Variants in TMEM115 observed in about 807,000 individuals in gnomAD.
TMEM115 encodes PP6.
Under a neutral mutation model 20.1 loss-of-function variants are expected in TMEM115, and 8 were observed. The ratio of observed to expected loss-of-function variants is 0.40; its 90% confidence interval spans 0.23 to 0.72. The LOEUF (loss-of-function observed/expected upper bound fraction) is 0.72, where lower values mean the gene tolerates loss of function less well. Among genes scored for constraint, TMEM115 ranks in the 30% least tolerant of loss-of-function variants. The pLI, the probability that TMEM115 is intolerant of heterozygous loss-of-function variation, is 0.39. For missense variants in TMEM115, 374 were observed against 455.1 expected (o/e 0.82, Z 1.62); for synonymous variants, 229 against 206.2 (o/e 1.11, Z -0.95).
Position 50,358,709 on chromosome 3 carries a change from G to A in TMEM115, c.355C>T (p.Leu119Phe), listed in dbSNP as rs1242293038. ...VGLLGAFAYLLTYMASFNLVY... is the reference protein window; with the variant it reads ...VGLLGAFAYLFTYMASFNLVY... ...AGGTTGAAGGAAGCCATGTAGGTGA[G>A]GAGGTAGGCGAAGGCCCCCAGCAGC... The change falls in exon 1 of 2, where the codon CTC becomes TTC. Residue 119 changes from leucine to phenylalanine, a missense_variant. Transcript: ENST00000266025. 1 of 1,613,570 alleles carries A rather than the reference G, an allele frequency of 6.2e-7. No homozygotes were observed. The highest frequency in any genetic ancestry group is 1.7e-5 in the Admixed American group (1 of 60,032).
At chr3:50,357,230 A>G (rs1703890843) in intron 1 of TMEM115, among the ~76,000 whole-genome samples, 1 of 152,242 alleles carries the variant, frequency 6.6e-6, no homozygotes, top group Non-Finnish European at 1.5e-5. Flanking sequence ...AACTCCTTCA[A>G]GAAAGGAGTG....
intron 1 of TMEM115, among the ~76,000 whole-genome samples, chr3:50,355,829 G>C (rs1703860226): frequency 6.6e-6 from 1 of 152,236 alleles, no homozygotes; most frequent in Non-Finnish European, 1.5e-5. Flanking sequence ...TGCCCACGAG[G>C]CCAGCCACCA....
At chr3:50,355,932 T>G (rs1703862321) in intron 1 of TMEM115, among the ~76,000 whole-genome samples, 1 of 152,210 alleles carries the variant, frequency 6.6e-6, no homozygotes, top group Non-Finnish European at 1.5e-5. Context: ...TCCAGGAGTT[T>G]CTGCCTGGGT....
chr3:50,358,285 T>C lies in TMEM115; in HGVS notation c.779A>G (p.Tyr260Cys), dbSNP rs1386957095. Residue 260 changes from tyrosine (Y) to cysteine (C), a missense_variant, in exon 1 of 2, where the codon TAC (tyrosine) becomes TGC (cysteine). By Grantham distance (194) the Tyr-to-Cys change is radical (BLOSUM62 -2). Transcript: ENST00000266025. ...GATGGAGGATGGGGCACCCACATCG[T>C]AGCGCTTCACCGTCTTCTGGCATAT... is the stretch of plus-strand genomic sequence containing the variant. ...VKICQKTVKRYDVGAPSSITI... is the reference protein window; with the variant it reads ...VKICQKTVKRCDVGAPSSITI... The C allele has an allele frequency of 1.9e-6, 3 of 1,613,840 alleles. No homozygotes were observed. Among genetic ancestry groups the C allele is most frequent in the East Asian group, 2.2e-5 (1 of 44,886 alleles).
intron 1 of TMEM115, among the ~76,000 whole-genome samples, chr3:50,357,293 C>T (rs1703891636): frequency 1.3e-5 from 2 of 152,198 alleles, no homozygotes; most frequent in Admixed American, 1.3e-4. Context: ...GGGATAACTG[C>T]AGCTAAATTC....
intron 1 of TMEM115, 98 bp from the exon 2 acceptor site, chr3:50,355,645 G>T: frequency 1.9e-6 from 2 of 1,065,746 alleles, no homozygotes; most frequent in Non-Finnish European, 2.6e-6. Context: ...GTACCACCTA[G>T]ACTCCTCCCC....
rs1285370321 is a variant in TMEM115 at position 50,358,496 on chromosome 3, C to T, written c.568G>A (p.Ala190Thr). 6.2e-7 allele frequency: 1 copy of T among 1,612,644 alleles called. No individual in the cohort carries two copies. Among genetic ancestry groups the T allele is most frequent in the Admixed American group, 1.7e-5 (1 of 59,988 alleles). The change falls in exon 1 of 2, where the codon GCG becomes ACG. Residue 190 changes from alanine (A) to threonine (T), a missense_variant. By Grantham distance (58) the Ala-to-Thr change is moderately conservative (BLOSUM62 0). Coordinates refer to ENST00000266025, the MANE Select transcript of TMEM115 (RefSeq NM_007024.5). Reference protein sequence around the residue: ...LRLATLLQSPALASYGFGLLS... With the variant: ...LRLATLLQSPTLASYGFGLLS... ...AGCCCGAAGCCATAGGAAGCCAGCGCCGGGCTCTGGAGCAGCGTGGCGAGC... is the reference window on the plus strand; with the variant it reads ...AGCCCGAAGCCATAGGAAGCCAGCGTCGGGCTCTGGAGCAGCGTGGCGAGC...
chr3:50,357,755 C>T (rs1023285904), intron 1 of TMEM115, among the ~76,000 whole-genome samples: 1 of 152,216 alleles, frequency 6.6e-6, no homozygotes, highest in Admixed American at 6.5e-5. Context: ...CAGAGAAGCA[C>T]AGCATCTGAG....
At chr3:50,356,542 C>T (rs895303193) in intron 1 of TMEM115, among the ~76,000 whole-genome samples, 11 of 152,202 alleles carry the variant, frequency 7.2e-5, no homozygotes, top group Non-Finnish European at 1.3e-4. Context: ...AGCCCTAGCA[C>T]GCTTCCCCCC....
In TMEM115 at chr3:50,358,512, C is replaced by G. The variant is rs1703912441; in HGVS notation, c.552G>C (p.Thr184=). ...AAGCCAGCGCCGGGCTCTGGAGCAG[C>G]GTGGCGAGCCGCAGCAGGAGCAGCA... ...LALLLLLRLA[T]LLQSPALASY... is the part of the protein sequence containing the mutation. Residue 184 remains threonine, a synonymous_variant, in exon 1 of 2, where the codon ACG becomes ACC. Transcript: ENST00000266025. 6.2e-7 allele frequency: 1 copy of G among 1,609,666 alleles called. No individual in the cohort carries two copies. The highest frequency in any genetic ancestry group is 8.5e-7 in the Non-Finnish European group (1 of 1,179,012).
chr3:50,357,458 G>C (rs1183464458), intron 1 of TMEM115, among the ~76,000 whole-genome samples: 1 of 152,226 alleles, frequency 6.6e-6, no homozygotes, highest in Non-Finnish European at 1.5e-5. Context: ...TCTTATGAAG[G>C]CTGGGACCAC....
chr3:50,356,550 C>A (rs1703879373), intron 1 of TMEM115, among the ~76,000 whole-genome samples: 1 of 152,194 alleles, frequency 6.6e-6, no homozygotes, highest in African/African-American at 2.4e-5. Flanking sequence ...CACGCTTCCC[C>A]CCTGCCCGTC....
At chr3:50,356,543 G>A (rs1345800997) in intron 1 of TMEM115, among the ~76,000 whole-genome samples, 4 of 152,184 alleles carry the variant, frequency 2.6e-5, no homozygotes, top group Non-Finnish European at 5.9e-5. Flanking sequence ...GCCCTAGCAC[G>A]CTTCCCCCCT....
intron 1 of TMEM115, among the ~76,000 whole-genome samples, chr3:50,357,725 C>T (rs1703900114): frequency 6.6e-6 from 1 of 152,200 alleles, no homozygotes; most frequent in Non-Finnish European, 1.5e-5. Context: ...CCCCAAGCTT[C>T]CCTCTCAATA....
intron 1 of TMEM115, among the ~76,000 whole-genome samples, chr3:50,357,421 G>A (rs1307417529): frequency 6.6e-6 from 1 of 152,224 alleles, no homozygotes; most frequent in Non-Finnish European, 1.5e-5. Context: ...AAACAGTGAG[G>A]AATAATGTTG....
At chr3:50,358,096 G>T in intron 1 of TMEM115, 117 bp downstream of exon 1, 1 of 1,383,730 alleles carries the variant, frequency 7.2e-7, no homozygotes, top group Non-Finnish European at 9.8e-7. Context: ...CTTTCCGGAT[G>T]TGCCCCAATA....
chr3:50,357,353 C>T (rs773732103), intron 1 of TMEM115, among the ~76,000 whole-genome samples: 2 of 152,194 alleles, frequency 1.3e-5, no homozygotes, highest in Non-Finnish European at 2.9e-5. Flanking sequence ...AAGCAGGAGC[C>T]TTGGCAATGC....
In TMEM115 at chr3:50,359,343, G is replaced by A; in HGVS notation, c.-280C>T. ...TACCCACCCTGTAGGCCCCGTGCCA[G>A]GCTAGCCTGGTTGGCGTTGACCTCA... is the stretch of plus-strand genomic sequence containing the variant. On this transcript the variant is annotated 5_prime_UTR_variant, in exon 1 of 2. Transcript: ENST00000266025. The A allele has an allele frequency of 2.1e-6, 1 of 467,662 alleles. No homozygotes were observed. Among genetic ancestry groups the A allele is most frequent in the Non-Finnish European group, 3.8e-6 (1 of 260,902 alleles). 29.0% of individuals were successfully genotyped at this position (467,662 alleles called of 1,614,324 possible).
chr3:50,356,353 G>A (rs1040941318), intron 1 of TMEM115, among the ~76,000 whole-genome samples: 1 of 152,224 alleles, frequency 6.6e-6, no homozygotes, highest in African/African-American at 2.4e-5. Flanking sequence ...AGAAGGTGGA[G>A]TGCTGCAGCT....
Sources: gnomAD v4.1 joint callset for allele counts (sites outside exome capture counted in the v4.1 genomes callset) on GRCh38, gnomAD v4.1.1 for gene constraint, MANE v1.5 for transcripts, NCBI Gene and HGNC (gene_info 2026-07-23, HGNC 2026-07-21) for gene names.